The following PABPC4L variants were observed in gnomAD, a reference collection of about 807,000 sequenced individuals.
PABPC4L encodes the protein polyadenylate-binding protein 4-like.
For missense variants in PABPC4L, 452 were observed against 451.4 expected, an observed-to-expected ratio of 1.00 and a Z score of -0.01; for synonymous variants, 169 against 164.1, an observed-to-expected ratio of 1.03 and a Z score of -0.23.
chr4:134,087,951 C>G, the PABPC4L span, among the ~76,000 whole-genome samples: 3 of 152,082 alleles, frequency 2.0e-5, no homozygotes, highest in Non-Finnish European at 4.4e-5. Context: ...AAACTGGCAG[C>G]TTTTCCTGCT....
chr4:134,184,588 A>C, the PABPC4L span, among the ~76,000 whole-genome samples: 1 of 151,932 alleles, frequency 6.6e-6, no homozygotes, highest in African/African-American at 2.4e-5. Context: ...ATTTTGTTTT[A>C]GTGCTGAATA....
chr4:134,187,091 G>A, the PABPC4L span, among the ~76,000 whole-genome samples: 8 of 152,066 alleles, frequency 5.3e-5, no homozygotes, highest in East Asian at 1.9e-4. Context: ...TTACACTGTC[G>A]GTGGGACTGT....
chr4:134,063,968 A>T, the PABPC4L span, among the ~76,000 whole-genome samples: 1 of 151,858 alleles, frequency 6.6e-6, no homozygotes, highest in Admixed American at 6.6e-5. Flanking sequence ...ATCCAAGGAC[A>T]CTCCTGAAAA....
chr4:134,010,439 C>A, the PABPC4L span, among the ~76,000 whole-genome samples: 1 of 152,034 alleles, frequency 6.6e-6, no homozygotes, highest in Admixed American at 6.6e-5. Context: ...TCTAATATGG[C>A]TTTATATTTT....
chr4:134,151,827 T>C, the PABPC4L span, among the ~76,000 whole-genome samples: 1 of 151,680 alleles, frequency 6.6e-6, no homozygotes, highest in African/African-American at 2.4e-5. Context: ...AACAGAAAAA[T>C]ATGTAAAATG....
chr4:134,158,872 C>A, the PABPC4L span, among the ~76,000 whole-genome samples: 1 of 152,160 alleles, frequency 6.6e-6, no homozygotes, highest in East Asian at 1.9e-4. Context: ...TAGCCTATAA[C>A]ACACTCAGGC....
the PABPC4L span, among the ~76,000 whole-genome samples, chr4:134,052,112 A>G: frequency 6.6e-6 from 1 of 152,204 alleles, no homozygotes; most frequent in African/African-American, 2.4e-5. Flanking sequence ...TTACAAAAAG[A>G]GCCTGGGAAT....
At chr4:134,074,868 G>T in the PABPC4L span, among the ~76,000 whole-genome samples, 1 of 152,106 alleles carries the variant, frequency 6.6e-6, no homozygotes, top group Non-Finnish European at 1.5e-5. Context: ...CTGGCCCCAT[G>T]ATTCAATTAC....
the PABPC4L span, among the ~76,000 whole-genome samples, chr4:134,162,984 A>C: frequency 6.6e-6 from 1 of 152,096 alleles, no homozygotes; most frequent in Non-Finnish European, 1.5e-5. Context: ...ACCATATTCA[A>C]AGCCAGCAGA....
chr4:134,079,776 G>A, the PABPC4L span, among the ~76,000 whole-genome samples: 1 of 151,728 alleles, frequency 6.6e-6, no homozygotes, highest in South Asian at 2.1e-4. Context: ...TTACTGAACT[G>A]CTGAATGTGA....
chr4:134,176,845 GC>G, the PABPC4L span, among the ~76,000 whole-genome samples: 11 of 152,016 alleles, frequency 7.2e-5, no homozygotes, highest in African/African-American at 2.7e-4. Context: ...TCCCCCTGGC[GC>G]CCCCATACCC....
chr4:134,023,321 T>C, the PABPC4L span, among the ~76,000 whole-genome samples: 3 of 152,174 alleles, frequency 2.0e-5, no homozygotes, highest in African/African-American at 7.2e-5. Flanking sequence ...GCCTGTAATA[T>C]AATTCAAAAT....
chr4:134,195,576 C>T (rs1578880113), downstream of PABPC4L, among the ~76,000 whole-genome samples: 1 of 151,698 alleles, frequency 6.6e-6, no homozygotes, highest in Non-Finnish European at 1.5e-5. Flanking sequence ...AATGGGTTAA[C>T]AAAATCTGAT....
the PABPC4L span, among the ~76,000 whole-genome samples, chr4:134,116,655 G>A: frequency 2.0e-5 from 3 of 151,798 alleles, no homozygotes; most frequent in Middle Eastern, 3.4e-3. Context: ...GTGAATCAAT[G>A]TTAGGCAAGA....
At chr4:134,192,217 CA>C (rs1302025458), downstream of PABPC4L, among the ~76,000 whole-genome samples, 1 of 151,978 alleles carries the variant, frequency 6.6e-6, no homozygotes, top group African/African-American at 2.4e-5. Context: ...ATACATGCTC[CA>C]ACATGGATGA....
At chr4:134,164,035 G>A in the PABPC4L span, among the ~76,000 whole-genome samples, 5 of 151,474 alleles carry the variant, frequency 3.3e-5, no homozygotes, top group East Asian at 5.8e-4. Flanking sequence ...AGGCCGAGGC[G>A]GGCGGATCAC....
the PABPC4L span, among the ~76,000 whole-genome samples, chr4:134,175,522 C>T: frequency 6.6e-6 from 1 of 152,066 alleles, no homozygotes; most frequent in Non-Finnish European, 1.5e-5. Flanking sequence ...AATCTCGGCT[C>T]ACTGCAACCT....
the PABPC4L span, among the ~76,000 whole-genome samples, chr4:134,040,097 C>T: frequency 6.6e-6 from 1 of 151,524 alleles, no homozygotes; most frequent in South Asian, 2.1e-4. Flanking sequence ...ACATGTCATG[C>T]TCATGGATAG....
chr4:134,188,033 A>C, the PABPC4L span, among the ~76,000 whole-genome samples: 1 of 151,832 alleles, frequency 6.6e-6, no homozygotes, highest in Admixed American at 6.6e-5. Context: ...AATTTTAACC[A>C]AGCATTTTAC....
Sources: allele counts gnomAD v4.1 joint callset (sites outside exome capture counted in the v4.1 genomes callset), GRCh38; gene constraint gnomAD v4.1.1; transcripts MANE v1.5; gene names NCBI Gene and HGNC (gene_info 2026-07-23, HGNC 2026-07-21).